The following SV2C variants were observed in gnomAD, a reference collection of about 807,000 sequenced individuals.
SV2C encodes the protein solute carrier family 22 member B3.
In SV2C, 49 loss-of-function variants were observed where a neutral mutation model predicts 79.7. The observed-to-expected ratio is 0.61, with a 90% CI of 0.49 to 0.78. The LOEUF (loss-of-function observed/expected upper bound fraction) is 0.78. Ranked by LOEUF, SV2C falls within the 30% of genes least tolerant of loss-of-function variation. The probability of loss-of-function intolerance (pLI) is 0.00; values close to 1 mark genes in which losing one functional copy is unlikely to be tolerated. For missense variants in SV2C, 833 were observed against 912.9 expected, an observed-to-expected ratio of 0.91 and a Z score of 1.13; for synonymous variants, 334 against 333.2, an observed-to-expected ratio of 1.00 and a Z score of -0.03.
Position 76,230,668 on chromosome 5 carries a change from A to C in SV2C, c.913+20781A>C, listed in dbSNP as rs148967809. 7.2e-5 allele frequency among the ~76,000 whole-genome samples: 11 copies of C among 152,288 alleles called. No homozygotes were observed. In the East Asian group the frequency reaches 2.1e-3, roughly 29 times the overall value. ...TCTGGGCGTGATGGCGGGCACCTGT[A>C]ATCCCAGCTACTTGGGAGGCTGAGA... is the stretch of plus-strand genomic sequence containing the variant. On this transcript the variant is annotated intron_variant, in intron 4 of 12. Transcript: ENST00000502798.
chr5:76,285,607 A>T (rs191221770), intron 5 of SV2C, 174 bp from the exon 6 acceptor site: 2 of 619,384 alleles, frequency 3.2e-6, no homozygotes, highest in Admixed American at 6.3e-5. Context: ...ATATTATTTG[A>T]ACTGCTCATG....
intron 4 of SV2C, among the ~76,000 whole-genome samples, chr5:76,244,659 C>T (rs865884418): frequency 6.6e-6 from 1 of 151,896 alleles, no homozygotes; most frequent in African/African-American, 2.4e-5. Context: ...TATTGGAAAC[C>T]CTTGTTCTAT....
chr5:76,280,217 AC>A (rs1176441530), intron 4 of SV2C, among the ~76,000 whole-genome samples: 1 of 152,018 alleles, frequency 6.6e-6, no homozygotes, highest in East Asian at 1.9e-4. Flanking sequence ...TGGACAACAC[AC>A]CCTTTAGAGA....
At chr5:76,254,251 T>TAGAGAG (rs1434751921) in intron 4 of SV2C, among the ~76,000 whole-genome samples, 3 of 149,002 alleles carry the variant, frequency 2.0e-5, no homozygotes, top group Admixed American at 1.3e-4. Context: ...TATATATATA[T>TAGAGAG]ATATATAGAG....
At chr5:76,137,005 G>A (rs1749092336) in intron 2 of SV2C, among the ~76,000 whole-genome samples, 1 of 152,186 alleles carries the variant, frequency 6.6e-6, no homozygotes, top group African/African-American at 2.4e-5. Context: ...GAGAGAGAAT[G>A]AGATGGGAGA....
chr5:75,847,599 T>A, the SV2C span, among the ~76,000 whole-genome samples: 1 of 152,224 alleles, frequency 6.6e-6, no homozygotes, highest in African/African-American at 2.4e-5. Context: ...CATTTTCTCA[T>A]TTGGCTGAAA....
chr5:76,317,858 A>G (rs777270566), intron 12 of SV2C, among the ~76,000 whole-genome samples: 4 of 151,992 alleles, frequency 2.6e-5, no homozygotes, highest in Non-Finnish European at 4.4e-5. Context: ...GTTCTTTTCT[A>G]ATAATCTTAT....
At chr5:76,343,299 G>A (rs187229442) in intron 12 of SV2C, among the ~76,000 whole-genome samples, 39 of 152,214 alleles carry the variant, frequency 2.6e-4, no homozygotes, top group African/African-American at 8.9e-4. Flanking sequence ...AAAAGGTATT[G>A]ACAATTGCAA....
intron 3 of SV2C, among the ~76,000 whole-genome samples, chr5:76,197,112 G>A (rs568327953): frequency 6.6e-6 from 1 of 152,320 alleles, no homozygotes; most frequent in South Asian, 2.1e-4. Flanking sequence ...AGGCTCTCCT[G>A]CCTGCTTTTT....
intron 4 of SV2C, among the ~76,000 whole-genome samples, chr5:76,261,276 C>A (rs960030180): frequency 5.9e-5 from 9 of 151,982 alleles, no homozygotes; most frequent in African/African-American, 2.2e-4. Context: ...TGCTTGTGAT[C>A]TTTGCACAAT....
At position 76,268,769 on chromosome 5, in the gene SV2C, G is replaced by T. The variant is rs1441443179; in HGVS notation, c.914-16393G>T. On this transcript the variant is annotated intron_variant, in intron 4 of 12. Coordinates refer to ENST00000502798, the MANE Select transcript of SV2C (RefSeq NM_014979.4). ...TCTTTACTCTTTTTACTCTTTCATT[G>T]TGTGTCACCTTTACTTGTCAACTTC... 6.6e-5 allele frequency among the ~76,000 whole-genome samples: 10 copies of T among 152,238 alleles called. No homozygotes were observed. The South Asian group carries it at 1.9e-3, about 28-fold the overall frequency.
the SV2C span, among the ~76,000 whole-genome samples, chr5:75,989,297 C>CAGCAT: frequency 6.6e-6 from 1 of 151,756 alleles, no homozygotes; most frequent in Non-Finnish European, 1.5e-5. Context: ...TTGATGCTGT[C>CAGCAT]CCTCCTCCCC....
At chr5:76,033,260 C>T in the SV2C span, among the ~76,000 whole-genome samples, 3,667 of 151,740 alleles carry the variant, frequency 0.024, 151 homozygotes, top group African/African-American at 0.084. Context: ...AATTAGATCC[C>T]ATTTGTCAAT....
At chr5:76,113,389 G>A (rs773976940) in intron 1 of SV2C, among the ~76,000 whole-genome samples, 2 of 152,232 alleles carry the variant, frequency 1.3e-5, no homozygotes, top group Non-Finnish European at 2.9e-5. Context: ...ACACCCTTCT[G>A]TGGAGCAGGT....
chr5:76,258,543 T>A (rs555643677), intron 4 of SV2C, among the ~76,000 whole-genome samples: 6 of 152,304 alleles, frequency 3.9e-5, no homozygotes, highest in African/African-American at 1.4e-4. Flanking sequence ...GTTGAAATAG[T>A]GCGAAATCCA....
the SV2C span, among the ~76,000 whole-genome samples, chr5:75,916,437 T>C: frequency 7.3e-6 from 1 of 137,052 alleles, no homozygotes; most frequent in African/African-American, 2.7e-5. Flanking sequence ...CTTCCTCCCC[T>C]TCTCCTCTCC....
chr5:76,013,189 C>T, the SV2C span, among the ~76,000 whole-genome samples: 1 of 152,116 alleles, frequency 6.6e-6, no homozygotes, highest in Admixed American at 6.5e-5. Flanking sequence ...CTATAAATTA[C>T]TTTAGGCAGT....
intron 12 of SV2C, among the ~76,000 whole-genome samples, chr5:76,308,305 C>T (rs967665769): frequency 6.6e-6 from 1 of 152,126 alleles, no homozygotes. Context: ...GTCCACACTC[C>T]CTTCCTGATC....
At chr5:76,338,341 C>T (rs144244932), downstream of SV2C, among the ~76,000 whole-genome samples, 278 of 152,336 alleles carry the variant, frequency 1.8e-3, no homozygotes, top group African/African-American at 6.4e-3. Flanking sequence ...GAAGCAGCTC[C>T]ACTCCCTAAC....
Sources: allele counts gnomAD v4.1 joint callset (sites outside exome capture counted in the v4.1 genomes callset), GRCh38; gene constraint gnomAD v4.1.1; transcripts MANE v1.5; gene names NCBI Gene and HGNC (gene_info 2026-07-23, HGNC 2026-07-21).